Variants in TUSC3 observed in about 807,000 individuals in gnomAD.
The protein encoded by TUSC3 is dolichyl-diphosphooligosaccharide--protein glycosyltransferase subunit TUSC3.
Under a neutral mutation model 44.8 loss-of-function variants are expected in TUSC3, and 45 were observed. That is an observed-to-expected ratio of 1.00 (90% CI 0.79 to 1.29). TUSC3 has a LOEUF of 1.29. Among genes scored for constraint, TUSC3 ranks in the 50% most tolerant of loss-of-function variants. TUSC3 has a pLI of 0.00. For missense variants in TUSC3, 519 were observed against 437.9 expected (o/e 1.19, Z -1.65); for synonymous variants, 212 against 152.9 (o/e 1.39, Z -2.85).
intron 1 of TUSC3, among the ~76,000 whole-genome samples, chr8:15,596,125 A>G (rs1433748400): frequency 6.6e-6 from 1 of 152,214 alleles, no homozygotes; most frequent in African/African-American, 2.4e-5. Flanking sequence ...GGCGTTAACA[A>G]ATTTAAGTAT....
intron 6 of TUSC3, among the ~76,000 whole-genome samples, chr8:15,713,106 T>C (rs1809923010): frequency 6.6e-6 from 1 of 152,182 alleles, no homozygotes; most frequent in South Asian, 2.1e-4. Flanking sequence ...AATCCACAAA[T>C]ACGTTTTTGT....
chr8:15,764,179 A>G (rs768499600), intron 10 of TUSC3, 24 bp from the exon 11 acceptor site: 130 of 1,591,926 alleles, frequency 8.2e-5, no homozygotes, highest in Non-Finnish European at 1.1e-4. Context: ...TGTTCAGCAC[A>G]TAATAATTTT....
intron 6 of TUSC3, chr8:15,689,591 C>A (rs1339103955): frequency 7.7e-5 from 12 of 156,828 alleles, no homozygotes; most frequent in African/African-American, 2.2e-4. Context: ...AGACACCAAC[C>A]CACCAACACC....
chr8:15,496,786 T>C (rs1190708306), intron 2 of TUSC3, among the ~76,000 whole-genome samples: 1 of 152,040 alleles, frequency 6.6e-6, no homozygotes, highest in East Asian at 1.9e-4. Flanking sequence ...ACTTACTATT[T>C]CCCCCATATT....
chr8:15,705,170 C>A (rs930270459), intron 6 of TUSC3, among the ~76,000 whole-genome samples: 1 of 151,224 alleles, frequency 6.6e-6, no homozygotes. Context: ...GCCATAGTTA[C>A]CAAAACAATT....
At chr8:15,539,171 G>A (rs540232017), upstream of TUSC3, among the ~76,000 whole-genome samples, 3 of 151,818 alleles carry the variant, frequency 2.0e-5, no homozygotes, top group African/African-American at 4.8e-5. Context: ...TTAATTTCAT[G>A]CGTTTAGAAA....
At chr8:15,730,847 G>A (rs1810693462) in intron 7 of TUSC3, 118 bp downstream of exon 7, 2 of 912,192 alleles carry the variant, frequency 2.2e-6, no homozygotes. Context: ...ATTTTAGGCT[G>A]TACTATATGA....
chr8:15,649,528 G>A (rs1230882193), intron 2 of TUSC3, among the ~76,000 whole-genome samples: 1 of 151,340 alleles, frequency 6.6e-6, no homozygotes, highest in Admixed American at 6.6e-5. Flanking sequence ...AGCTTGCAGT[G>A]AGCCGAGATC....
intron 2 of TUSC3, among the ~76,000 whole-genome samples, chr8:15,521,907 T>G (rs1801304712): frequency 6.6e-6 from 1 of 152,244 alleles, no homozygotes; most frequent in Non-Finnish European, 1.5e-5. Context: ...CAAAAGTTAT[T>G]GTGGTTTCTG....
At chr8:15,693,556 G>C (rs1809016814) in intron 6 of TUSC3, among the ~76,000 whole-genome samples, 1 of 148,232 alleles carries the variant, frequency 6.7e-6, no homozygotes, top group Admixed American at 6.9e-5. Context: ...TAGGTGATCT[G>C]GCCCTTTTCT....
chr8:15,567,418 C>G (rs200082030), intron 1 of TUSC3, among the ~76,000 whole-genome samples: 1 of 152,230 alleles, frequency 6.6e-6, no homozygotes, highest in East Asian at 1.9e-4. Context: ...TTCAAATCAT[C>G]CATGGAAACT....
At chr8:15,623,865 C>T (rs78118132) in intron 2 of TUSC3, among the ~76,000 whole-genome samples, 2,018 of 152,188 alleles carry the variant, frequency 0.013, 74 homozygotes, top group East Asian at 0.1. Context: ...AGTACAAATT[C>T]ACAAGTAGGG....
intron 1 of TUSC3, among the ~76,000 whole-genome samples, chr8:15,468,318 G>A (rs1436518540): frequency 6.6e-6 from 1 of 152,190 alleles, no homozygotes; most frequent in Non-Finnish European, 1.5e-5. Context: ...GTGTTGAACG[G>A]CTAGTCAAGA....
At chr8:15,516,920 A>G (rs1801223747) in intron 2 of TUSC3, among the ~76,000 whole-genome samples, 1 of 152,208 alleles carries the variant, frequency 6.6e-6, no homozygotes, top group African/African-American at 2.4e-5. Context: ...TGAGATTAAT[A>G]AGTTCATGCT....
intron 2 of TUSC3, among the ~76,000 whole-genome samples, chr8:15,499,937 A>G (rs1474048279): frequency 6.6e-6 from 1 of 152,236 alleles, no homozygotes; most frequent in Admixed American, 6.5e-5. Flanking sequence ...AGATGAATAC[A>G]CTTGGCAATT....
At chr8:15,828,587 T>G in the TUSC3 span, among the ~76,000 whole-genome samples, 1 of 152,230 alleles carries the variant, frequency 6.6e-6, no homozygotes, top group Non-Finnish European at 1.5e-5. Context: ...TCAACTGAAT[T>G]ACAAAGGCAT....
intron 2 of TUSC3, among the ~76,000 whole-genome samples, chr8:15,525,010 T>C (rs562990319): frequency 7.9e-5 from 12 of 152,202 alleles, no homozygotes; most frequent in East Asian, 7.7e-4. Context: ...CACTGAAAGA[T>C]AACAAAGGAA....
At chr8:15,810,179 C>A in the TUSC3 span, among the ~76,000 whole-genome samples, 30 of 152,116 alleles carry the variant, frequency 2.0e-4, 1 homozygote, top group Admixed American at 1.9e-3. Context: ...TCCAGAACAA[C>A]TGAATCAGAA....
At chr8:15,676,438 G>C (rs951915220) in intron 6 of TUSC3, among the ~76,000 whole-genome samples, 1 of 152,108 alleles carries the variant, frequency 6.6e-6, no homozygotes, top group African/African-American at 2.4e-5. Context: ...TTAGTCTGTT[G>C]ATAGTTTCTT....
Sources: allele counts gnomAD v4.1 joint callset (sites outside exome capture counted in the v4.1 genomes callset), GRCh38; gene constraint gnomAD v4.1.1; transcripts MANE v1.5; gene names NCBI Gene and HGNC (gene_info 2026-07-23, HGNC 2026-07-21).